RCOR1: variants seen among roughly 807,000 people sequenced by gnomAD.
RCOR1 encodes REST corepressor.
RCOR1 carries 12 observed loss-of-function variants against 64.0 expected under a neutral mutation model. That is an observed-to-expected ratio of 0.19 (90% CI 0.12 to 0.30). RCOR1 has a LOEUF of 0.30. Ranked by LOEUF, RCOR1 falls within the 10% of genes least tolerant of loss-of-function variation. The probability of loss-of-function intolerance (pLI) is 1.00; values close to 1 mark genes in which losing one functional copy is unlikely to be tolerated. For synonymous variants in RCOR1, 279 were observed against 227.2 expected, an observed-to-expected ratio of 1.23 and a Z score of -2.05; for missense variants, 502 against 621.2, an observed-to-expected ratio of 0.81 and a Z score of 2.04.
At chr14:102,612,326 C>T (rs948250292) in intron 2 of RCOR1, among the ~76,000 whole-genome samples, 10 of 151,902 alleles carry the variant, frequency 6.6e-5, no homozygotes, top group South Asian at 2.1e-4. Flanking sequence ...CACTGCACTT[C>T]CTGAGTAGCT....
chr14:102,641,731 A>G (rs1894374198), intron 2 of RCOR1, among the ~76,000 whole-genome samples: 1 of 152,240 alleles, frequency 6.6e-6, no homozygotes, highest in African/African-American at 2.4e-5. Context: ...TGACGCTTGC[A>G]CAAGGTTTAA....
chr14:102,602,889 A>G (rs1893432249), intron 2 of RCOR1, among the ~76,000 whole-genome samples: 2 of 151,918 alleles, frequency 1.3e-5, no homozygotes. Context: ...AACTTTTTGT[A>G]GAGACGGGGT....
chr14:102,640,455 C>T (rs941691184), intron 2 of RCOR1, among the ~76,000 whole-genome samples: 9 of 152,186 alleles, frequency 5.9e-5, no homozygotes, highest in African/African-American at 1.9e-4. Flanking sequence ...TTGGGTAGTT[C>T]TTCCGACTCT....
chr14:102,628,439 C>T (rs557815423), intron 2 of RCOR1, among the ~76,000 whole-genome samples: 82 of 152,206 alleles, frequency 5.4e-4, no homozygotes, highest in African/African-American at 1.9e-3. Flanking sequence ...TTCAGCTCCA[C>T]TACCCGCTCC....
intron 2 of RCOR1, among the ~76,000 whole-genome samples, chr14:102,637,226 A>G (rs1308979384): frequency 6.7e-6 from 1 of 150,246 alleles, no homozygotes; most frequent in African/African-American, 2.4e-5. Flanking sequence ...TCCTGTGTTC[A>G]AGCGATTCTC....
chr14:102,596,141 G>T (rs1009981848), intron 2 of RCOR1, among the ~76,000 whole-genome samples: 1 of 150,336 alleles, frequency 6.7e-6, no homozygotes, highest in African/African-American at 2.5e-5. Context: ...CACTCTTGTT[G>T]CCCACGCTGG....
chr14:102,675,939 C>T (rs1224962326), intron 2 of RCOR1, among the ~76,000 whole-genome samples: 1 of 151,958 alleles, frequency 6.6e-6, no homozygotes, highest in African/African-American at 2.4e-5. Context: ...ATTAGTAGTT[C>T]ACTATTTTTG....
rs539942330 is a variant in RCOR1, at chr14:102,643,766, G to A, written c.362-38129G>A. ...ACCCTAGACTTGAAATGGGGAGGAC[G>A]GGTGGAAACTATCTGGACGTGGTGG... On this transcript the variant is annotated intron_variant, in intron 2 of 11. Transcript: ENST00000262241. 1.2e-4 allele frequency among the ~76,000 whole-genome samples: 19 copies of A among 152,278 alleles called. No individual in the cohort carries two copies. The South Asian group carries it at 3.5e-3, about 28-fold the overall frequency.
chr14:102,724,476 T>C (rs1450371416), intron 11 of RCOR1, among the ~76,000 whole-genome samples: 1 of 151,972 alleles, frequency 6.6e-6, no homozygotes, highest in East Asian at 1.9e-4. Context: ...GGATTATGGG[T>C]GTGCACCACC....
intron 8 of RCOR1, among the ~76,000 whole-genome samples, chr14:102,720,151 G>A (rs899889396): frequency 2.0e-5 from 3 of 152,100 alleles, no homozygotes; most frequent in East Asian, 1.9e-4. Context: ...CTCCTCTTCC[G>A]TTGGCTTTCT....
intron 2 of RCOR1, among the ~76,000 whole-genome samples, chr14:102,624,270 G>A (rs142567127): frequency 0.01 from 1,543 of 152,016 alleles, 16 homozygotes; most frequent in Admixed American, 0.015. Context: ...GTGGGAGGCC[G>A]AAGTGGGCGG....
chr14:102,664,589 A>C (rs1387867866), intron 2 of RCOR1, among the ~76,000 whole-genome samples: 1 of 152,226 alleles, frequency 6.6e-6, no homozygotes, highest in Non-Finnish European at 1.5e-5. Context: ...TCCAGAGATC[A>C]GGTCTACATG....
intron 2 of RCOR1, 65 bp downstream of exon 2, chr14:102,593,390 C>G (rs577001098): frequency 2.1e-6 from 3 of 1,429,890 alleles, no homozygotes; most frequent in Non-Finnish European, 2.7e-6. Context: ...CCGGCGAGCC[C>G]GAGGGGGCGG....
rs1337839555 is a variant in RCOR1, at chr14:102,608,241, G to A, written c.361+14916G>A. Among the ~76,000 whole-genome samples the A allele has an allele frequency of 2.6e-5, 4 of 152,110 alleles. No homozygotes were observed. In the East Asian group the frequency reaches 5.8e-4, roughly 22 times the overall value. ...TCTTATTCTCCATTCTCAGTACCAGGCAACCACTAACCTGCTTTTTGTTTC... is the reference window on the plus strand; with the variant it reads ...TCTTATTCTCCATTCTCAGTACCAGACAACCACTAACCTGCTTTTTGTTTC... On this transcript the variant is annotated intron_variant, in intron 2 of 11. Transcript: ENST00000262241.
At chr14:102,713,094 C>T (rs887664081) in intron 7 of RCOR1, among the ~76,000 whole-genome samples, 1 of 149,990 alleles carries the variant, frequency 6.7e-6, no homozygotes, top group Non-Finnish European at 1.5e-5. Context: ...GCTGGGATTA[C>T]AGGGGCCCGC....
At chr14:102,601,043 G>T (rs1893385380) in intron 2 of RCOR1, among the ~76,000 whole-genome samples, 1 of 151,840 alleles carries the variant, frequency 6.6e-6, no homozygotes, top group Non-Finnish European at 1.5e-5. Context: ...ACAAAAATTA[G>T]CTGGGCGTGG....
Position 102,592,708 on chromosome 14 carries a change from G to A in RCOR1, c.-179G>A, listed in dbSNP as rs943144499. 17 of 1,226,842 alleles carry A rather than the reference G, an allele frequency of 1.4e-5. No homozygotes were observed. In the South Asian group the frequency reaches 5.4e-4, roughly 39 times the overall value. 76.0% of individuals were successfully genotyped at this position (1,226,842 alleles called of 1,614,324 possible). A position where few individuals can be genotyped will look rare whatever the true frequency, so the allele number is the denominator to read the frequency against. ...AAGTTGCGCTCGGCTCGTCGCTGGG[G>A]GCTTGAAGCGGCTCCGCGCTCTGCC... On this transcript the variant is annotated 5_prime_UTR_variant, in exon 1 of 12. Transcript: ENST00000262241.
At chr14:102,662,258 G>C (rs1166185443) in intron 2 of RCOR1, 1 of 528,128 alleles carries the variant, frequency 1.9e-6, no homozygotes. Flanking sequence ...CCCCAATTTT[G>C]TTGGCAACAT....
intron 2 of RCOR1, among the ~76,000 whole-genome samples, chr14:102,660,016 A>T (rs1894799643): frequency 6.6e-6 from 1 of 152,232 alleles, no homozygotes; most frequent in South Asian, 2.1e-4. Flanking sequence ...GCATTTAGCC[A>T]AGCAGCTTAT....
Sources: allele counts gnomAD v4.1 joint callset (sites outside exome capture counted in the v4.1 genomes callset), GRCh38; gene constraint gnomAD v4.1.1; transcripts MANE v1.5; gene names NCBI Gene and HGNC (gene_info 2026-07-23, HGNC 2026-07-21).